The following CPNE8 variants were observed in gnomAD, a reference collection of about 807,000 sequenced individuals.
CPNE8 encodes the protein copine 8, also known as copine-8.
A neutral mutation model predicts 81.5 loss-of-function variants in CPNE8; 45 were observed. The ratio of observed to expected loss-of-function variants is 0.55; its 90% CI spans 0.44 to 0.71. CPNE8 has a LOEUF of 0.71. CPNE8 is among the 30% of genes least tolerant of loss of function. CPNE8 has a pLI of 0.00. For missense variants in CPNE8, 594 were observed against 672.1 expected (o/e 0.88, Z 1.28); for synonymous variants, 252 against 226.3 (o/e 1.11, Z -1.02).
intron 10 of CPNE8, among the ~76,000 whole-genome samples, chr12:38,738,150 G>A (rs1940997844): frequency 6.6e-6 from 1 of 151,638 alleles, no homozygotes; most frequent in South Asian, 2.1e-4. Context: ...ACAGACTGAG[G>A]TACTCCAAAA....
chr12:38,770,004 G>A (rs1433197772), intron 7 of CPNE8, among the ~76,000 whole-genome samples: 2 of 152,142 alleles, frequency 1.3e-5, no homozygotes, highest in African/African-American at 4.8e-5. Context: ...GAGAGGAAAA[G>A]TATTTATATA....
At position 38,795,308 on chromosome 12, in the gene CPNE8, T is replaced by C. The variant is rs78207742; in HGVS notation, c.408-19007A>G. ...TGTCCCTCTAGAGAACACTGATTAA[T>C]ACAATGGACTTCCCTTAAAAAATTA... On this transcript the variant is annotated intron_variant, in intron 6 of 19. Coordinates refer to ENST00000331366, the MANE Select transcript of CPNE8 (RefSeq NM_153634.3). 3.3e-5 allele frequency among the ~76,000 whole-genome samples: 5 copies of C among 152,300 alleles called. No individual in the cohort carries two copies. The East Asian group carries it at 9.7e-4, about 29-fold the overall frequency.
At chr12:38,659,202 T>C (rs1938894989) in intron 19 of CPNE8, among the ~76,000 whole-genome samples, 1 of 140,362 alleles carries the variant, frequency 7.1e-6, no homozygotes, top group Admixed American at 7.4e-5. Flanking sequence ...TGGAGGAAGA[T>C]CTACCAAGCA....
upstream of CPNE8, chr12:38,905,779 T>A: frequency 7.2e-7 from 1 of 1,390,392 alleles, no homozygotes; most frequent in Non-Finnish European, 9.3e-7. Context: ...GATCCCGGTT[T>A]CCCAGCCCCC....
chr12:38,798,294 A>C (rs1239442996), intron 6 of CPNE8, among the ~76,000 whole-genome samples: 1 of 152,192 alleles, frequency 6.6e-6, no homozygotes, highest in African/African-American at 2.4e-5. Flanking sequence ...AAGGGCAGCC[A>C]GAGAGAAAGG....
intron 6 of CPNE8, among the ~76,000 whole-genome samples, chr12:38,819,569 C>T (rs1156478727): frequency 6.6e-6 from 1 of 151,868 alleles, no homozygotes; most frequent in Non-Finnish European, 1.5e-5. Flanking sequence ...AGATCGAGAC[C>T]ATCCTGGCTA....
At chr12:38,777,671 C>T (rs759467583) in intron 6 of CPNE8, among the ~76,000 whole-genome samples, 3 of 152,146 alleles carry the variant, frequency 2.0e-5, no homozygotes, top group Non-Finnish European at 1.5e-5. Flanking sequence ...TACACAAATA[C>T]TGATGTTACA....
At chr12:38,698,238 C>G (rs1429076746) in intron 14 of CPNE8, among the ~76,000 whole-genome samples, 1 of 152,054 alleles carries the variant, frequency 6.6e-6, no homozygotes, top group Non-Finnish European at 1.5e-5. Flanking sequence ...GATCCTTTGC[C>G]CACTTTTAAC....
intron 6 of CPNE8, among the ~76,000 whole-genome samples, chr12:38,800,915 A>G (rs1263482227): frequency 3.2e-5 from 4 of 126,498 alleles, no homozygotes; most frequent in African/African-American, 1.2e-4. Flanking sequence ...CAGCAATGGA[A>G]GATGAAATGA....
intron 13 of CPNE8, among the ~76,000 whole-genome samples, chr12:38,713,774 C>T (rs1229408941): frequency 6.6e-6 from 1 of 151,974 alleles, no homozygotes; most frequent in Non-Finnish European, 1.5e-5. Context: ...AAAATGACAT[C>T]CAGGGAAATT....
chr12:38,704,844 A>G lies in CPNE8; in HGVS notation c.915-1923T>C, dbSNP rs983584947. On this transcript the variant is annotated intron_variant, in intron 13 of 19. Transcript: ENST00000331366. ...TGTATGTGTATATATATATATATAT[A>G]TATATATATATATATATATTTAAAT... is the stretch of plus-strand genomic sequence containing the variant. Among the ~76,000 whole-genome samples the G allele has an allele frequency of 9.0e-4, 120 of 133,430 alleles. 14 individuals carry two copies. Among genetic ancestry groups the G allele is most frequent in the South Asian group, 5.4e-3 (23 of 4,252 alleles). The allele number at this position is 133,430 out of a possible 152,430, so 87.5% of individuals were successfully genotyped here. A position where few individuals can be genotyped will look rare whatever the true frequency, so the allele number is the denominator to read the frequency against.
chr12:38,764,087 C>T (rs1941626646), intron 8 of CPNE8, among the ~76,000 whole-genome samples: 1 of 152,004 alleles, frequency 6.6e-6, no homozygotes, highest in South Asian at 2.1e-4. Flanking sequence ...TTGACAGAGC[C>T]CAGGAAAATG....
At chr12:38,780,617 C>T (rs79001504) in intron 6 of CPNE8, among the ~76,000 whole-genome samples, 1,951 of 151,882 alleles carry the variant, frequency 0.013, 49 homozygotes, top group African/African-American at 0.044. Context: ...GACAGATGAT[C>T]GACAAAGATA....
chr12:38,711,207 A>G (rs1940247703), intron 13 of CPNE8, among the ~76,000 whole-genome samples: 1 of 152,184 alleles, frequency 6.6e-6, no homozygotes, highest in African/African-American at 2.4e-5. Flanking sequence ...TGCATCACTC[A>G]GTTCTTTCAG....
At chr12:38,687,383 T>G (rs1028754001) in intron 15 of CPNE8, among the ~76,000 whole-genome samples, 2 of 145,454 alleles carry the variant, frequency 1.4e-5, no homozygotes, top group Admixed American at 6.9e-5. Flanking sequence ...TCTTTTTTTT[T>G]TTTTTTTTTT....
At chr12:38,743,522 C>T (rs1941156410) in intron 10 of CPNE8, among the ~76,000 whole-genome samples, 1 of 151,948 alleles carries the variant, frequency 6.6e-6, no homozygotes, top group African/African-American at 2.4e-5. Flanking sequence ...ATTATTGAGG[C>T]AATTACTTAG....
chr12:38,784,914 G>T (rs1011490231), intron 6 of CPNE8, among the ~76,000 whole-genome samples: 2 of 152,108 alleles, frequency 1.3e-5, no homozygotes, highest in East Asian at 1.9e-4. Flanking sequence ...AAAGGACCTT[G>T]CCTGGTGCGG....
chr12:38,739,909 G>A (rs924451090), intron 10 of CPNE8, among the ~76,000 whole-genome samples: 3 of 152,000 alleles, frequency 2.0e-5, no homozygotes, highest in African/African-American at 4.8e-5. Context: ...ATAAGATAAG[G>A]TAGACTCTAC....
chr12:38,823,751 A>G (rs1458724608), intron 6 of CPNE8, among the ~76,000 whole-genome samples: 2 of 152,162 alleles, frequency 1.3e-5, no homozygotes, highest in Non-Finnish European at 2.9e-5. Flanking sequence ...AGAGAATGGC[A>G]ATCTTTCTTA....
Sources: allele counts gnomAD v4.1 joint callset (sites outside exome capture counted in the v4.1 genomes callset), GRCh38; gene constraint gnomAD v4.1.1; transcripts MANE v1.5; gene names NCBI Gene and HGNC (gene_info 2026-07-23, HGNC 2026-07-21).